RAPGEF5: variants seen among roughly 807,000 people sequenced by gnomAD.
RAPGEF5 encodes Rap guanine nucleotide exchange factor 5.
RAPGEF5 carries 65 observed loss-of-function variants against 125.2 expected under a neutral mutation model. The observed-to-expected ratio is 0.52, with a 90% CI of 0.43 to 0.64. RAPGEF5 has a LOEUF of 0.64. Among genes scored for constraint, RAPGEF5 ranks in the 30% least tolerant of loss-of-function variants. The probability of loss-of-function intolerance (pLI) is 0.00; values close to 1 mark genes in which losing one functional copy is unlikely to be tolerated. For synonymous variants in RAPGEF5, 391 were observed against 385.9 expected, an observed-to-expected ratio of 1.01 and a Z score of -0.16; for missense variants, 958 against 1,048.1, an observed-to-expected ratio of 0.91 and a Z score of 1.19.
rs944890118 is a variant in RAPGEF5 at position 22,147,436 on chromosome 7, A to T, written c.1885-417T>A. On this transcript the variant is annotated intron_variant, in intron 18 of 25. Coordinates refer to ENST00000665637, the MANE Select transcript of RAPGEF5 (RefSeq NM_012294.5). ...GAAATGTCATGGTGCACTTCAATAAAGACAGACATGGCGTTTACAGGAAAT... is the reference window on the plus strand; with the variant it reads ...GAAATGTCATGGTGCACTTCAATAATGACAGACATGGCGTTTACAGGAAAT... Among the ~76,000 whole-genome samples the T allele has an allele frequency of 3.3e-5, 5 of 152,264 alleles. 1 individual carries two copies. The highest frequency in any genetic ancestry group is 1.2e-4 in the African/African-American group (5 of 41,470).
chr7:22,346,615 A>G lies in RAPGEF5; in HGVS notation c.231+10215T>C, dbSNP rs144623575. Among the ~76,000 whole-genome samples the G allele has an allele frequency of 6.1e-3, 924 of 152,318 alleles. 14 individuals carry two copies. Among genetic ancestry groups the G allele is most frequent in the African/African-American group, 0.021 (879 of 41,570 alleles). On this transcript the variant is annotated intron_variant, in intron 1 of 25. Transcript: ENST00000665637. ...TCACAAGTATTTGCATGTACACCTC[A>G]TAACAGCTGCAGGTAAATGATTTGA... is the stretch of plus-strand genomic sequence containing the variant.
At chr7:22,257,128 C>T (rs1191524905) in intron 7 of RAPGEF5, among the ~76,000 whole-genome samples, 1 of 152,158 alleles carries the variant, frequency 6.6e-6, no homozygotes, top group African/African-American at 2.4e-5. Flanking sequence ...GGCAGGACCA[C>T]CTGTGCCCTA....
chr7:22,227,036 A>G (rs1785935524), intron 8 of RAPGEF5, among the ~76,000 whole-genome samples: 1 of 151,772 alleles, frequency 6.6e-6, no homozygotes, highest in Admixed American at 6.6e-5. Context: ...TACATAATAT[A>G]TAGTATTATA....
chr7:22,308,423 T>C lies in RAPGEF5; in HGVS notation c.596A>G (p.Glu199Gly). The change falls in exon 5 of 26, where the codon GAA (glutamate) becomes GGA (glycine). Residue 199 changes from glutamate (E) to glycine (G), a missense_variant. Transcript: ENST00000665637. ...DECSYLYCEF[E>G]REEEWQNGVK... is the part of the protein sequence containing the mutation. ...ACCATTTTGCCATTCTTCTTCTCTT[T>C]CAAATTCACAGTACAAGTAGCTACA... 3 of 1,581,862 alleles carry C rather than the reference T, an allele frequency of 1.9e-6. No homozygotes were observed. The highest frequency in any genetic ancestry group is 1.7e-6 in the Non-Finnish European group (2 of 1,162,286).
At chr7:22,162,269 C>T in intron 13 of RAPGEF5, 128 bp downstream of exon 13, 2 of 995,920 alleles carry the variant, frequency 2.0e-6, no homozygotes, top group Non-Finnish European at 2.9e-6. Context: ...TAAATATTCT[C>T]TGAATCACAA....
chr7:22,346,512 A>T (rs1278539139), intron 1 of RAPGEF5, among the ~76,000 whole-genome samples: 1 of 152,176 alleles, frequency 6.6e-6, no homozygotes, highest in Non-Finnish European at 1.5e-5. Context: ...CAGAAGTGAT[A>T]AGCTGTTCAC....
intron 7 of RAPGEF5, among the ~76,000 whole-genome samples, chr7:22,264,674 C>T (rs556622765): frequency 6.6e-6 from 1 of 152,226 alleles, no homozygotes; most frequent in Non-Finnish European, 1.5e-5. Context: ...ACTCCCTCAC[C>T]AACTTCAGGT....
chr7:22,176,833 T>C (rs1453719816), intron 11 of RAPGEF5, among the ~76,000 whole-genome samples: 3 of 152,164 alleles, frequency 2.0e-5, no homozygotes, highest in African/African-American at 2.4e-5. Flanking sequence ...GCCTGGCCAA[T>C]TGAGGTTCTT....
At chr7:22,126,804 G>C (rs189057085) in intron 24 of RAPGEF5, among the ~76,000 whole-genome samples, 9 of 151,762 alleles carry the variant, frequency 5.9e-5, no homozygotes, top group Admixed American at 2.6e-4. Context: ...TGTATTTTTA[G>C]TAGAGATGGG....
intron 1 of RAPGEF5, among the ~76,000 whole-genome samples, chr7:22,321,368 G>A (rs147018258): frequency 1.7e-3 from 257 of 152,316 alleles, no homozygotes; most frequent in Non-Finnish European, 3.2e-3. Flanking sequence ...GTCTGAAGCA[G>A]GCATGGAACT....
At chr7:22,155,100 T>A (rs1374414520) in intron 16 of RAPGEF5, among the ~76,000 whole-genome samples, 1 of 152,254 alleles carries the variant, frequency 6.6e-6, no homozygotes, top group African/African-American at 2.4e-5. Flanking sequence ...GCTATTAGAA[T>A]TCTCATAAGC....
chr7:22,177,706 G>C (rs1784551948), intron 11 of RAPGEF5, among the ~76,000 whole-genome samples: 1 of 152,180 alleles, frequency 6.6e-6, no homozygotes, highest in Non-Finnish European at 1.5e-5. Context: ...TCTTTTTTGA[G>C]GTGACAGCAC....
At chr7:22,272,837 A>AC (rs1283341912) in intron 6 of RAPGEF5, among the ~76,000 whole-genome samples, 13 of 152,174 alleles carry the variant, frequency 8.5e-5, no homozygotes, top group Admixed American at 7.8e-4. Flanking sequence ...GCTCACTGCA[A>AC]CCTCTGCCTT....
Position 22,148,773 on chromosome 7 carries a change from T to C in RAPGEF5, c.1884+1634A>G, listed in dbSNP as rs114099510. ...GCCGTGGGGATGCACAGGAGGGAGC[T>C]ACCTGAGAAGGCCACGTATGGGTGG... On this transcript the variant is annotated intron_variant, in intron 18 of 25. Transcript: ENST00000665637. 5.6e-3 allele frequency among the ~76,000 whole-genome samples: 852 copies of C among 152,244 alleles called. 11 individuals are homozygous for C. The highest frequency in any genetic ancestry group is 0.02 in the African/African-American group (823 of 41,528).
chr7:22,151,707 G>A (rs895201810), intron 17 of RAPGEF5, among the ~76,000 whole-genome samples: 1 of 151,912 alleles, frequency 6.6e-6, no homozygotes, highest in Non-Finnish European at 1.5e-5. Context: ...CAAGTGATCC[G>A]CCTGCCTTGG....
At chr7:22,296,406 G>A (rs1029404465) in intron 5 of RAPGEF5, among the ~76,000 whole-genome samples, 1 of 152,074 alleles carries the variant, frequency 6.6e-6, no homozygotes, top group Admixed American at 6.6e-5. Context: ...GGGAAGATGT[G>A]GGAAATAACC....
intron 6 of RAPGEF5, among the ~76,000 whole-genome samples, chr7:22,270,434 T>G (rs571761512): frequency 6.6e-6 from 1 of 152,348 alleles, no homozygotes; most frequent in South Asian, 2.1e-4. Context: ...ACAATGATGA[T>G]TTTTCTACTG....
At chr7:22,337,020 CT>C (rs747050273) in intron 1 of RAPGEF5, among the ~76,000 whole-genome samples, 2 of 152,186 alleles carry the variant, frequency 1.3e-5, no homozygotes, top group Non-Finnish European at 2.9e-5. Flanking sequence ...ACATGTTCAT[CT>C]TGCCTGCTGC....
At chr7:22,186,325 T>G (rs1318591751) in intron 11 of RAPGEF5, among the ~76,000 whole-genome samples, 1 of 152,244 alleles carries the variant, frequency 6.6e-6, no homozygotes, top group Non-Finnish European at 1.5e-5. Flanking sequence ...TTTTAAAATT[T>G]CAATTAAGTG....
Sources: allele counts gnomAD v4.1 joint callset (sites outside exome capture counted in the v4.1 genomes callset), GRCh38; gene constraint gnomAD v4.1.1; transcripts MANE v1.5; gene names NCBI Gene and HGNC (gene_info 2026-07-23, HGNC 2026-07-21).